The following FBN1 variants were observed in gnomAD, a reference collection of about 807,000 sequenced individuals.
FBN1 encodes fibrillin-1.
FBN1 carries 29 observed loss-of-function variants against 365.1 expected under a neutral mutation model. That is an observed-to-expected ratio of 0.08 (90% CI 0.06 to 0.11). FBN1 has a LOEUF of 0.11. Ranked by LOEUF, FBN1 falls within the 10% of genes least tolerant of loss-of-function variation. The pLI, the probability that FBN1 is intolerant of heterozygous loss-of-function variation, is 1.00. For missense variants in FBN1, 2,476 were observed against 3,703.2 expected, an observed-to-expected ratio of 0.67 and a Z score of 8.60; for synonymous variants, 1,210 against 1,270.5, an observed-to-expected ratio of 0.95 and a Z score of 1.01.
chr15:48,628,692 T>C (rs1264139661), intron 2 of FBN1, among the ~76,000 whole-genome samples: 2 of 152,228 alleles, frequency 1.3e-5, no homozygotes, highest in Non-Finnish European at 2.9e-5. Flanking sequence ...CAAACATTAC[T>C]GGCTGTGAAG....
At chr15:48,420,894 C>T in intron 62 of FBN1, 88 bp from the exon 63 acceptor site, 1 of 1,434,902 alleles carries the variant, frequency 7.0e-7, no homozygotes, top group Non-Finnish European at 9.7e-7. Flanking sequence ...GGCCCCTACA[C>T]ATCCTACACA....
chr15:48,437,875 T>A lies in FBN1; in HGVS notation c.6206A>T (p.Lys2069Met). ...ATTTCTGGATTTGGGTGATGAACACTTTCCTCCTTCAAACTTCGCATAACA... is the reference window on the plus strand; with the variant it reads ...ATTTCTGGATTTGGGTGATGAACACATTCCTCCTTCAAACTTCGCATAACA... ...SYCYAKFEGG[K>M]CSSPKSRNHS... Residue 2069 changes from lysine (K) to methionine (M), a missense_variant, in exon 51 of 66, where the codon AAG (lysine) becomes ATG (methionine). By Grantham distance (95) the Lys-to-Met change is moderately conservative. Coordinates refer to ENST00000316623, the MANE Select transcript of FBN1 (RefSeq NM_000138.5). 1 of 1,613,900 alleles carries A rather than the reference T, an allele frequency of 6.2e-7. No individual in the cohort carries two copies. The highest frequency in any genetic ancestry group is 8.5e-7 in the Non-Finnish European group (1 of 1,179,848).
rs1060504141 is a variant in FBN1 at position 48,489,879 on chromosome 15, T to C, written c.3054A>G (p.Glu1018=). 6.2e-7 allele frequency: 1 copy of C among 1,614,188 alleles called. No homozygotes were observed. Among genetic ancestry groups the C allele is most frequent in the Non-Finnish European group, 8.5e-7 (1 of 1,180,032 alleles). Residue 1018 remains glutamate (E), a synonymous_variant, in exon 25 of 66, where the codon GAA becomes GAG. Coordinates refer to ENST00000316623, the MANE Select transcript of FBN1 (RefSeq NM_000138.5). ...TGAAGAAAGGCTTTCCATTTGTAATTTCTTTTGTGGCAAATCCGGGTCCTC... is the reference window on the plus strand; with the variant it reads ...TGAAGAAAGGCTTTCCATTTGTAATCTCTTTTGTGGCAAATCCGGGTCCTC... ...CPRGPGFATK[E]ITNGKPFFKD... is the part of the protein sequence containing the mutation.
chr15:48,492,362 T>C, intron 24 of FBN1, 99 bp downstream of exon 24: 1 of 1,216,276 alleles, frequency 8.2e-7, no homozygotes, highest in Admixed American at 1.7e-5. Context: ...GGAGTGTGTG[T>C]CTGTACCTGA....
intron 13 of FBN1, among the ~76,000 whole-genome samples, chr15:48,511,306 T>A (rs560924657): frequency 2.0e-5 from 3 of 152,282 alleles, no homozygotes; most frequent in Admixed American, 1.3e-4. Flanking sequence ...TTCTGTCTGA[T>A]CTTTGTGCCA....
chr15:48,570,720 A>G (rs2044300449), intron 6 of FBN1, among the ~76,000 whole-genome samples: 1 of 152,230 alleles, frequency 6.6e-6, no homozygotes, highest in Admixed American at 6.5e-5. Flanking sequence ...AAAACAAAAG[A>G]GCAATGTTAT....
intron 42 of FBN1, 122 bp downstream of exon 42, chr15:48,462,960 G>T: frequency 1.0e-6 from 1 of 995,622 alleles, no homozygotes; most frequent in Non-Finnish European, 1.6e-6. Context: ...ATCATGAGCC[G>T]TTTTTTTCCC....
intron 2 of FBN1, among the ~76,000 whole-genome samples, chr15:48,639,200 C>T (rs1243980683): frequency 2.0e-5 from 3 of 152,114 alleles, no homozygotes; most frequent in African/African-American, 4.8e-5. Flanking sequence ...GAAAAGTTAA[C>T]GTTAAGTTTT....
chr15:48,537,522 A>G (rs1201405776), intron 7 of FBN1, 89 bp downstream of exon 7: 11 of 1,514,712 alleles, frequency 7.3e-6, no homozygotes, highest in Non-Finnish European at 1.0e-5. Flanking sequence ...AGCTGACACT[A>G]CTTTTCCATT....
chr15:48,611,029 C>T (rs1399797907), intron 3 of FBN1, among the ~76,000 whole-genome samples: 1 of 152,086 alleles, frequency 6.6e-6, no homozygotes, highest in Non-Finnish European at 1.5e-5. Context: ...AAATCCACAA[C>T]TCCTTTATCC....
At chr15:48,622,579 C>T (rs1889790106) in intron 2 of FBN1, among the ~76,000 whole-genome samples, 1 of 152,160 alleles carries the variant, frequency 6.6e-6, no homozygotes. Flanking sequence ...TCTCTCTACT[C>T]CATTAGGACA....
At chr15:48,592,260 C>A (rs1044552353) in intron 6 of FBN1, among the ~76,000 whole-genome samples, 2 of 152,078 alleles carry the variant, frequency 1.3e-5, no homozygotes, top group African/African-American at 4.8e-5. Flanking sequence ...CATCATCACA[C>A]CCCACCCCCA....
At chr15:48,524,996 T>A (rs2043896467) in intron 9 of FBN1, among the ~76,000 whole-genome samples, 1 of 152,208 alleles carries the variant, frequency 6.6e-6, no homozygotes, top group Admixed American at 6.5e-5. Flanking sequence ...TCCTTAAATA[T>A]CAGACTGTGC....
At chr15:48,637,466 G>A (rs1398315427) in intron 2 of FBN1, among the ~76,000 whole-genome samples, 3 of 152,114 alleles carry the variant, frequency 2.0e-5, no homozygotes, top group East Asian at 1.9e-4. Flanking sequence ...GAGGGCACTC[G>A]TTTCATAGAC....
chr15:48,461,334 C>A (rs1005565540), intron 42 of FBN1, among the ~76,000 whole-genome samples: 1 of 152,126 alleles, frequency 6.6e-6, no homozygotes, highest in African/African-American at 2.4e-5. Context: ...CTCAGGCAAT[C>A]ATTTCTAAAA....
At chr15:48,475,793 G>C (rs1393597409) in intron 32 of FBN1, among the ~76,000 whole-genome samples, 1 of 152,196 alleles carries the variant, frequency 6.6e-6, no homozygotes, top group Admixed American at 6.5e-5. Context: ...TGTTCCATCT[G>C]AAGCTCTGAA....
At chr15:48,446,580 A>G in intron 47 of FBN1, 126 bp downstream of exon 47, 2 of 742,668 alleles carry the variant, frequency 2.7e-6, no homozygotes, top group African/African-American at 1.7e-5. Flanking sequence ...AAGTCCCATA[A>G]CCAATTGTTA....
In FBN1 at chr15:48,604,100, A is replaced by C. The variant is rs552901338; in HGVS notation, c.347-3866T>G. Among the ~76,000 whole-genome samples, 8 of 149,380 alleles carry C rather than the reference A, an allele frequency of 5.4e-5. No homozygotes were observed. In the East Asian group the frequency reaches 1.5e-3, roughly 29 times the overall value. ...ACAGCCCAGCACAGATTAGTTCTTAAATGATTCATCAGAAAAGAACAATGT... is the reference window on the plus strand; with the variant it reads ...ACAGCCCAGCACAGATTAGTTCTTACATGATTCATCAGAAAAGAACAATGT... On this transcript the variant is annotated intron_variant, in intron 4 of 65. Coordinates refer to ENST00000316623, the MANE Select transcript of FBN1 (RefSeq NM_000138.5).
chr15:48,640,446 C>T (rs1890178440), intron 2 of FBN1, among the ~76,000 whole-genome samples: 1 of 152,128 alleles, frequency 6.6e-6, no homozygotes, highest in South Asian at 2.1e-4. Flanking sequence ...GTCTTAAAGT[C>T]CCCTTTATAA....
Sources: gnomAD v4.1 joint callset for allele counts (sites outside exome capture counted in the v4.1 genomes callset) on GRCh38, gnomAD v4.1.1 for gene constraint, MANE v1.5 for transcripts, NCBI Gene and HGNC (gene_info 2026-07-23, HGNC 2026-07-21) for gene names.